The following BAMBI variants were observed in gnomAD, a reference collection of about 807,000 sequenced individuals.
BAMBI encodes the protein BMP and activin membrane-bound inhibitor homolog.
Under a neutral mutation model 24.1 loss-of-function variants are expected in BAMBI, and 21 were observed. That is an observed-to-expected ratio of 0.87 (90% CI 0.62 to 1.26). The LOEUF (loss-of-function observed/expected upper bound fraction) is 1.26. Ranked by LOEUF, BAMBI falls within the 50% of genes most tolerant of loss-of-function variation. The pLI, the probability that BAMBI is intolerant of heterozygous loss-of-function variation, is 0.00. For synonymous variants in BAMBI, 156 were observed against 123.1 expected, an observed-to-expected ratio of 1.27 and a Z score of -1.77; for missense variants, 388 against 329.1, an observed-to-expected ratio of 1.18 and a Z score of -1.38.
At chr10:28,678,075 C>A in intron 1 of BAMBI, 102 bp downstream of exon 1, 3 of 1,065,516 alleles carry the variant, frequency 2.8e-6, no homozygotes, top group South Asian at 1.7e-5. Flanking sequence ...CTCCCTCCTG[C>A]GCCGGAGCCG....
Position 28,682,397 on chromosome 10 carries a change from T to A in BAMBI, c.779T>A (p.Val260Glu), listed in dbSNP as rs759163221. Residue 260 changes from valine (V) to glutamate (E), a missense_variant, in exon 3 of 3, where the codon GTA becomes GAA. Coordinates refer to ENST00000375533, the MANE Select transcript of BAMBI (RefSeq NM_012342.3). ...AGTGGGCACGGGAAGCTGGAATTCGTATGACGGAGTCTTATCTGAACTACA... is the reference window on the plus strand; with the variant it reads ...AGTGGGCACGGGAAGCTGGAATTCGAATGACGGAGTCTTATCTGAACTACA... ...MYSGHGKLEFV is the reference protein window; with the variant it reads ...MYSGHGKLEFE The A allele has an allele frequency of 8.7e-6, 14 of 1,608,920 alleles. No individual in the cohort carries two copies. Among genetic ancestry groups the A allele is most frequent in the African/African-American group, 2.7e-5 (2 of 74,848 alleles).
In BAMBI at chr10:28,682,295, G is replaced by T; in HGVS notation, c.677G>T (p.Cys226Phe). ...CCGGTCAGTGGGCACGAGAACTGCTGTCTGACCTGTGATAAAATGAGACAA... is the reference window on the plus strand; with the variant it reads ...CCGGTCAGTGGGCACGAGAACTGCTTTCTGACCTGTGATAAAATGAGACAA... ...MVPVSGHENC[C>F]LTCDKMRQAD... Residue 226 changes from cysteine (C) to phenylalanine (F), a missense_variant, in exon 3 of 3, where the codon TGT (cysteine) becomes TTT (phenylalanine). Physicochemically the swap from Cys to Phe is radical, Grantham distance 205 (BLOSUM62 -2). Transcript: ENST00000375533. 6.2e-7 allele frequency: 1 copy of T among 1,614,038 alleles called. No homozygotes were observed. The highest frequency in any genetic ancestry group is 8.5e-7 in the Non-Finnish European group (1 of 1,180,004).
Position 28,677,770 on chromosome 10 carries a change from A to G in BAMBI, c.-128A>G. The G allele has an allele frequency of 1.9e-6, 1 of 515,442 alleles. No individual in the cohort carries two copies. The allele number at this position is 515,442 out of a possible 1,614,324, so 31.9% of individuals were successfully genotyped here. ...ATGCTCCGGCAGCGGCCCGAAACCC[A>G]GCCCCGCCGCTGACGGCGCCCGCCG... On this transcript the variant is annotated 5_prime_UTR_variant, in exon 1 of 3. Transcript: ENST00000375533.
intron 1 of BAMBI, among the ~76,000 whole-genome samples, chr10:28,680,396 TC>T (rs1379828124): frequency 1.3e-5 from 2 of 152,202 alleles, no homozygotes; most frequent in African/African-American, 4.8e-5. Context: ...TTTAATCACT[TC>T]CTGTAGAAAA....
chr10:28,677,546 C>T lies in BAMBI; in HGVS notation c.-352C>T, dbSNP rs1200710043. The T allele has an allele frequency of 3.6e-5, 6 of 165,506 alleles. No homozygotes were observed. The South Asian group carries it at 6.0e-4, about 17-fold the overall frequency. The allele number at this position is 165,506 out of a possible 1,614,324, so 10.3% of individuals were successfully genotyped here. ...GGGCTGGCGCGGGCGGGAGCTGCGG[C>T]GGATACCCTTGCGTGCTGTGGAGAC... is the stretch of plus-strand genomic sequence containing the variant. On this transcript the variant is annotated 5_prime_UTR_variant, in exon 1 of 3. Coordinates refer to ENST00000375533, the MANE Select transcript of BAMBI (RefSeq NM_012342.3).
chr10:28,678,009 T>A (rs1834455624), intron 1 of BAMBI, 36 bp downstream of exon 1: 2 of 1,496,048 alleles, frequency 1.3e-6, no homozygotes, highest in Non-Finnish European at 8.9e-7. Context: ...CGGGGTCCCG[T>A]CCTCGCCGCG....
intron 1 of BAMBI, 42 bp downstream of exon 1, chr10:28,678,015 C>A (rs1834455738): frequency 2.0e-6 from 3 of 1,488,482 alleles, no homozygotes; most frequent in South Asian, 1.2e-5. Context: ...CCCGTCCTCG[C>A]CGCGGGGCTT....
rs1241129247 is a variant in BAMBI at position 28,681,277 on chromosome 10, T to C, written c.96T>C (p.Cys32=). 1 of 1,613,000 alleles carries C rather than the reference T, an allele frequency of 6.2e-7. No homozygotes were observed. Among genetic ancestry groups the C allele is most frequent in the Non-Finnish European group, 8.5e-7 (1 of 1,179,916 alleles). Residue 32 remains cysteine, a synonymous_variant, in exon 2 of 3, where the codon TGT becomes TGC. Coordinates refer to ENST00000375533, the MANE Select transcript of BAMBI (RefSeq NM_012342.3). ...TTTCAGGTGAAATTCGATGCTACTGTGATGCTGCCCACTGTGTAGCCACTG... is the reference window on the plus strand; with the variant it reads ...TTTCAGGTGAAATTCGATGCTACTGCGATGCTGCCCACTGTGTAGCCACTG... ...LLTKGEIRCY[C]DAAHCVATGY... is the part of the protein sequence containing the mutation.
chr10:28,678,452 C>T (rs1217136205), intron 1 of BAMBI, among the ~76,000 whole-genome samples: 1 of 152,164 alleles, frequency 6.6e-6, no homozygotes, highest in African/African-American at 2.4e-5. Flanking sequence ...TGTGTCTGAA[C>T]CTCTGTATCA....
chr10:28,682,438 GA>G lies in BAMBI; in HGVS notation c.*39del. On this transcript the variant is annotated 3_prime_UTR_variant, in exon 3 of 3. Coordinates refer to ENST00000375533, the MANE Select transcript of BAMBI (RefSeq NM_012342.3). ...CTGAACTACACTTACTGAACAGCTT[GA>G]AGGCCTTTTGAGTTCTGCTGGACAG... The G allele has an allele frequency of 1.9e-6, 3 of 1,567,190 alleles. No homozygotes were observed. Among genetic ancestry groups the G allele is most frequent in the Non-Finnish European group, 1.7e-6 (2 of 1,150,844 alleles).
chr10:28,682,644 C>CAGGGTTATT lies in BAMBI; in HGVS notation c.*244_*252dup. On this transcript the variant is annotated 3_prime_UTR_variant, in exon 3 of 3. Coordinates refer to ENST00000375533, the MANE Select transcript of BAMBI (RefSeq NM_012342.3). ...GAGAAGACTTTGTACACACTGTCAC[C>CAGGGTTATT]AGGGTTATTTGCATCCAAGGGAGCT... 1 of 401,876 alleles carries CAGGGTTATT rather than the reference C, an allele frequency of 2.5e-6. No homozygotes were observed. The highest frequency in any genetic ancestry group is 4.4e-6 in the Non-Finnish European group (1 of 227,302). 24.9% of individuals were successfully genotyped at this position (401,876 alleles called of 1,614,324 possible).
chr10:28,682,337 A>G lies in BAMBI; in HGVS notation c.719A>G (p.Asp240Gly). Residue 240 changes from aspartate (D) to glycine (G), a missense_variant, in exon 3 of 3, where the codon GAT (aspartate) becomes GGT (glycine). Asp to Gly is a moderately conservative substitution (Grantham distance 94). Transcript: ENST00000375533. Reference sequence around the variant, plus strand: ...ATGAGACAAGCAGACCTCAGCAACGATAAGATCCTCTCGCTTGTTCACTGG... The same window carrying G: ...ATGAGACAAGCAGACCTCAGCAACGGTAAGATCCTCTCGCTTGTTCACTGG... ...DKMRQADLSN[D>G]KILSLVHWGM... 1.2e-6 allele frequency: 2 copies of G among 1,614,128 alleles called. No homozygotes were observed. Among genetic ancestry groups the G allele is most frequent in the South Asian group, 1.1e-5 (1 of 91,076 alleles).
At chr10:28,681,025 A>G (rs1275052059) in intron 1 of BAMBI, among the ~76,000 whole-genome samples, 3 of 152,206 alleles carry the variant, frequency 2.0e-5, no homozygotes, top group African/African-American at 7.2e-5. Flanking sequence ...AAATGACTCT[A>G]AACTCCTCAG....
chr10:28,679,041 G>A (rs752011177), intron 1 of BAMBI, among the ~76,000 whole-genome samples: 1 of 152,162 alleles, frequency 6.6e-6, no homozygotes, highest in Admixed American at 6.5e-5. Flanking sequence ...GCAGGCATGA[G>A]GTTAAAGCAT....
At chr10:28,679,174 G>C (rs1834470683) in intron 1 of BAMBI, among the ~76,000 whole-genome samples, 1 of 152,138 alleles carries the variant, frequency 6.6e-6, no homozygotes, top group Non-Finnish European at 1.5e-5. Flanking sequence ...TATCAAAGGC[G>C]GGCAGAACAG....
At chr10:28,678,210 G>A (rs1410327409) in intron 1 of BAMBI, among the ~76,000 whole-genome samples, 2 of 152,222 alleles carry the variant, frequency 1.3e-5, no homozygotes, top group Admixed American at 1.3e-4. Flanking sequence ...GGGGAGCGGC[G>A]CGTTTGCAGC....
Position 28,682,427 on chromosome 10 carries a change from C to A in BAMBI, c.*26C>A, listed in dbSNP as rs191444212. The A allele has an allele frequency of 6.3e-7, 1 of 1,586,640 alleles. No individual in the cohort carries two copies. Among genetic ancestry groups the A allele is most frequent in the South Asian group, 1.1e-5 (1 of 88,518 alleles). ...CGGAGTCTTATCTGAACTACACTTA[C>A]TGAACAGCTTGAAGGCCTTTTGAGT... On this transcript the variant is annotated 3_prime_UTR_variant, in exon 3 of 3. Coordinates refer to ENST00000375533, the MANE Select transcript of BAMBI (RefSeq NM_012342.3).
At chr10:28,679,416 C>CA (rs1834473290) in intron 1 of BAMBI, among the ~76,000 whole-genome samples, 1 of 152,086 alleles carries the variant, frequency 6.6e-6, no homozygotes, top group African/African-American at 2.4e-5. Flanking sequence ...TTCAAAATAC[C>CA]AGTCCCCTTT....
intron 1 of BAMBI, among the ~76,000 whole-genome samples, chr10:28,678,805 T>G (rs961822490): frequency 1.4e-5 from 2 of 144,088 alleles, no homozygotes; most frequent in African/African-American, 5.4e-5. Context: ...TCACCTCATA[T>G]TTTACAAACA....
Sources: gnomAD v4.1 joint callset for allele counts (sites outside exome capture counted in the v4.1 genomes callset) on GRCh38, gnomAD v4.1.1 for gene constraint, MANE v1.5 for transcripts, NCBI Gene and HGNC (gene_info 2026-07-23, HGNC 2026-07-21) for gene names.